The following MTFR1 variants were observed in gnomAD, a reference collection of about 807,000 sequenced individuals.
MTFR1 encodes mitochondrial fission regulator 1.
MTFR1 carries 28 observed loss-of-function variants against 38.8 expected under a neutral mutation model. The ratio of observed to expected loss-of-function variants is 0.72; its 90% confidence interval spans 0.53 to 0.99. MTFR1 has a LOEUF of 0.99. MTFR1 is among the 50% of genes least tolerant of loss of function. The probability of loss-of-function intolerance (pLI) is 0.00; values close to 1 mark genes in which losing one functional copy is unlikely to be tolerated. For missense variants in MTFR1, 358 were observed against 395.5 expected, an observed-to-expected ratio of 0.91 and a Z score of 0.81; for synonymous variants, 145 against 137.0, an observed-to-expected ratio of 1.06 and a Z score of -0.41.
rs545353039 is a variant in MTFR1 at position 65,645,422 on chromosome 8, A to G, written c.-81+638A>G. Among the ~76,000 whole-genome samples the G allele has an allele frequency of 4.5e-4, 69 of 152,378 alleles. 1 individual carries two copies. Among genetic ancestry groups the G allele is most frequent in the Admixed American group, 3.3e-3 (50 of 15,312 alleles). On this transcript the variant is annotated intron_variant, in intron 1 of 7. Coordinates refer to ENST00000262146, the MANE Select transcript of MTFR1 (RefSeq NM_014637.4). ...TAACAACAGCAGCATTTTATTATGGAAATCTTCAAACTGTGGAGAAATTGA... is the reference window on the plus strand; with the variant it reads ...TAACAACAGCAGCATTTTATTATGGGAATCTTCAAACTGTGGAGAAATTGA...
chr8:65,703,436 T>G (rs1490634753), intron 4 of MTFR1, among the ~76,000 whole-genome samples: 9 of 129,218 alleles, frequency 7.0e-5, no homozygotes, highest in Non-Finnish European at 1.3e-4. Flanking sequence ...TTTTTTTTTT[T>G]TTTTTTTTTT....
chr8:65,655,941 TAAA>T (rs796493246), intron 1 of MTFR1, among the ~76,000 whole-genome samples: 12 of 77,610 alleles, frequency 1.5e-4, no homozygotes, highest in African/African-American at 6.3e-4. Context: ...GACTCTGTCT[TAAA>T]AAAAAAAATA....
chr8:65,730,853 G>A (rs192708282), intron 3 of MTFR1, among the ~76,000 whole-genome samples: 1 of 152,338 alleles, frequency 6.6e-6, no homozygotes, highest in East Asian at 1.9e-4. Context: ...AACCCAGGAG[G>A]TGGAGGTTGC....
chr8:65,651,533 C>G (rs1350561140), intron 1 of MTFR1, among the ~76,000 whole-genome samples: 3 of 152,166 alleles, frequency 2.0e-5, no homozygotes, highest in Admixed American at 1.3e-4. Context: ...ATCCAGTTTT[C>G]CCAGCACCAT....
In MTFR1 at chr8:65,682,381, C is replaced by T. The variant is rs903374199; in HGVS notation, c.95C>T (p.Ser32Leu). 7 of 1,569,016 alleles carry T rather than the reference C, an allele frequency of 4.5e-6. No individual in the cohort carries two copies. The highest frequency in any genetic ancestry group is 1.8e-5 in the Admixed American group (1 of 55,704). ...CTTTGGTCTAGGAAGCCATATGGTT[C>T]GTCTCGAAGTATCGTAAGGAAAATT... ...SVLWSRKPYGSSRSIVRKIGT... is the reference protein window; with the variant it reads ...SVLWSRKPYGLSRSIVRKIGT... Residue 32 changes from serine to leucine, a missense_variant, in exon 3 of 8, where the codon TCG (serine) becomes TTG (leucine). By Grantham distance (145) the Ser-to-Leu change is moderately radical. Coordinates refer to ENST00000262146, the MANE Select transcript of MTFR1 (RefSeq NM_014637.4).
rs1563456826 is a variant in MTFR1, at chr8:65,703,437, T to TGG, written c.282-1257_282-1256insGG. 3.1e-4 allele frequency among the ~76,000 whole-genome samples: 40 copies of TGG among 128,210 alleles called. 1 individual carries two copies. Among genetic ancestry groups the TGG allele is most frequent in the Admixed American group, 5.6e-4 (7 of 12,434 alleles). The allele number at this position is 128,210 out of a possible 152,430, so 84.1% of individuals were successfully genotyped here. A position where few individuals can be genotyped will look rare whatever the true frequency, so the allele number is the denominator to read the frequency against. On this transcript the variant is annotated intron_variant, in intron 4 of 7. Coordinates refer to ENST00000262146, the MANE Select transcript of MTFR1 (RefSeq NM_014637.4). ...GTCTCTGGTTTTTTTTTTTTTTTTT[T>TGG]TTTTTTTTTTTTTTGAGATGGAGTC...
intron 3 of MTFR1, chr8:65,720,667 C>T (rs1445806370): frequency 3.3e-5 from 5 of 152,362 alleles, no homozygotes; most frequent in East Asian, 1.9e-4. Flanking sequence ...ACTATGTCCC[C>T]GGCACTATGC....
intron 2 of MTFR1, among the ~76,000 whole-genome samples, chr8:65,670,812 C>T (rs1490108307): frequency 6.6e-6 from 1 of 151,396 alleles, no homozygotes; most frequent in Non-Finnish European, 1.5e-5. Flanking sequence ...TCAAACAATT[C>T]TCCTGCCTCA....
At chr8:65,653,221 A>C (rs1475298892) in intron 1 of MTFR1, among the ~76,000 whole-genome samples, 2 of 152,194 alleles carry the variant, frequency 1.3e-5, no homozygotes, top group Non-Finnish European at 2.9e-5. Context: ...AAATGAGTTT[A>C]TTTAAGATCG....
At chr8:65,774,975 C>T (rs79568023), downstream of MTFR1, among the ~76,000 whole-genome samples, 394 of 152,214 alleles carry the variant, frequency 2.6e-3, 1 homozygote, top group African/African-American at 8.7e-3. Context: ...CCTCACAGAC[C>T]GCACTTTAAG....
intron 2 of MTFR1, chr8:65,719,042 CT>C: frequency 1.9e-6 from 1 of 533,444 alleles, no homozygotes; most frequent in Non-Finnish European, 3.4e-6. Flanking sequence ...TTCGGATTCT[CT>C]CCTGCTGGGC....
At chr8:65,729,625 G>A (rs774290555) in intron 3 of MTFR1, among the ~76,000 whole-genome samples, 28 of 152,112 alleles carry the variant, frequency 1.8e-4, no homozygotes, top group Non-Finnish European at 3.4e-4. Context: ...GTGCAGTGGT[G>A]CGATCTCGGC....
intron 3 of MTFR1, among the ~76,000 whole-genome samples, chr8:65,757,901 G>A (rs1808312290): frequency 6.6e-6 from 1 of 152,220 alleles, no homozygotes; most frequent in South Asian, 2.1e-4. Context: ...ACAGGTGTGA[G>A]CCACCACACC....
At position 65,696,327 on chromosome 8, in the gene MTFR1, CTT is replaced by C. The variant is rs1015556497; in HGVS notation, c.281+2572_281+2573del. On this transcript the variant is annotated intron_variant, in intron 4 of 7. Transcript: ENST00000262146. The stretch of plus-strand genomic sequence containing the variant: ...TTTTAAGATGTTTATTTTATTTAAA[CTT>C]TTTATTTTGAGATAATTGTAGATTC... Among the ~76,000 whole-genome samples, 6 of 152,174 alleles carry C rather than the reference CTT, an allele frequency of 3.9e-5. No individual in the cohort carries two copies. In the East Asian group the frequency reaches 9.7e-4, roughly 25 times the overall value.
chr8:65,765,945 TTTTA>T (rs748252017), intron 3 of MTFR1, among the ~76,000 whole-genome samples: 52 of 152,212 alleles, frequency 3.4e-4, no homozygotes, highest in Non-Finnish European at 5.4e-4. Flanking sequence ...AGAGATGAAA[TTTTA>T]TTTATTTATT....
intron 3 of MTFR1, among the ~76,000 whole-genome samples, chr8:65,683,289 G>A (rs1465462107): frequency 6.6e-6 from 1 of 151,708 alleles, no homozygotes; most frequent in African/African-American, 2.4e-5. Flanking sequence ...ACACCACCAC[G>A]GCCAGCTAAT....
chr8:65,758,761 A>C (rs1006434823), intron 3 of MTFR1, among the ~76,000 whole-genome samples: 1 of 152,200 alleles, frequency 6.6e-6, no homozygotes, highest in Non-Finnish European at 1.5e-5. Context: ...AAATCCATGC[A>C]GTACCTTCTG....
chr8:65,670,986 T>C (rs765238482), intron 2 of MTFR1, among the ~76,000 whole-genome samples: 1 of 152,214 alleles, frequency 6.6e-6, no homozygotes, highest in Non-Finnish European at 1.5e-5. Context: ...TGGACCACTG[T>C]GCCTGGCAGA....
intron 2 of MTFR1, 55 bp from the exon 3 acceptor site, chr8:65,682,298 C>T: frequency 1.2e-6 from 1 of 857,186 alleles, no homozygotes; most frequent in Non-Finnish European, 1.8e-6. Flanking sequence ...AATGCTTTGT[C>T]TTAACAGTTC....
Sources: allele counts gnomAD v4.1 joint callset (sites outside exome capture counted in the v4.1 genomes callset), GRCh38; gene constraint gnomAD v4.1.1; transcripts MANE v1.5; gene names NCBI Gene and HGNC (gene_info 2026-07-23, HGNC 2026-07-21).